MAPRE2: variants seen among roughly 807,000 people sequenced by gnomAD.
MAPRE2 encodes the protein microtubule associated protein RP/EB family member 2.
In MAPRE2, 13 loss-of-function variants were observed where a neutral mutation model predicts 43.2. The observed-to-expected ratio is 0.30, with a 90% CI of 0.20 to 0.48. The LOEUF (loss-of-function observed/expected upper bound fraction) is 0.48, where lower values mean the gene tolerates loss of function less well. Ranked by LOEUF, MAPRE2 falls within the 20% of genes least tolerant of loss-of-function variation. The pLI is 0.99. For synonymous variants in MAPRE2, 135 were observed against 148.8 expected (o/e 0.91, Z 0.68); for missense variants, 161 against 400.2 (o/e 0.40, Z 5.10).
At chr18:34,985,338 A>ATTTT (rs1413375108) in intron 1 of MAPRE2, among the ~76,000 whole-genome samples, 38 of 27,016 alleles carry the variant, frequency 1.4e-3, no homozygotes, top group African/African-American at 2.5e-3. Flanking sequence ...TATAATATAT[A>ATTTT]ATATATTATA....
chr18:35,124,647 A>G (rs1909827861), intron 4 of MAPRE2, among the ~76,000 whole-genome samples: 1 of 151,864 alleles, frequency 6.6e-6, no homozygotes, highest in South Asian at 2.1e-4. Context: ...GGTGTTGATC[A>G]TAGGTAGTCT....
chr18:35,034,589 A>G (rs1297090669), intron 2 of MAPRE2, among the ~76,000 whole-genome samples: 1 of 152,168 alleles, frequency 6.6e-6, no homozygotes, highest in Non-Finnish European at 1.5e-5. Context: ...ACAAAATGGG[A>G]GAAAATTTTC....
intron 2 of MAPRE2, among the ~76,000 whole-genome samples, chr18:35,014,485 C>T (rs184910443): frequency 1.1e-3 from 159 of 151,144 alleles, no homozygotes; most frequent in African/African-American, 3.2e-3. Context: ...TTTGGGGAAA[C>T]GTGAAAATTG....
At chr18:35,057,138 C>T (rs1480871183) in intron 1 of MAPRE2, among the ~76,000 whole-genome samples, 3 of 152,136 alleles carry the variant, frequency 2.0e-5, no homozygotes, top group African/African-American at 7.2e-5. Flanking sequence ...CCTCAGCCTC[C>T]CAAGTAACTG....
chr18:35,013,049 T>C (rs1014610365), intron 2 of MAPRE2, among the ~76,000 whole-genome samples: 1 of 152,166 alleles, frequency 6.6e-6, no homozygotes, highest in Non-Finnish European at 1.5e-5. Flanking sequence ...CACATGCCCA[T>C]AAAGGTTATA....
intron 1 of MAPRE2, among the ~76,000 whole-genome samples, chr18:35,054,990 T>C (rs1003568159): frequency 3.3e-5 from 5 of 152,228 alleles, no homozygotes; most frequent in African/African-American, 1.2e-4. Context: ...TTCTGAAATC[T>C]AGTATACTGT....
At chr18:35,031,901 T>G (rs1344340573) in intron 2 of MAPRE2, among the ~76,000 whole-genome samples, 1 of 152,132 alleles carries the variant, frequency 6.6e-6, no homozygotes, top group African/African-American at 2.4e-5. Flanking sequence ...TGCTATTACT[T>G]AAGGCCAGGA....
chr18:34,994,642 C>T (rs2097025573), intron 1 of MAPRE2, among the ~76,000 whole-genome samples: 2 of 152,016 alleles, frequency 1.3e-5, no homozygotes, highest in African/African-American at 4.8e-5. Flanking sequence ...AGATTTAATT[C>T]TATTGTAATA....
At chr18:34,977,860 A>G (rs2097014075) in intron 1 of MAPRE2, among the ~76,000 whole-genome samples, 1 of 152,190 alleles carries the variant, frequency 6.6e-6, no homozygotes, top group African/African-American at 2.4e-5. Context: ...CAGAAATCCC[A>G]CAAAGAGCCA....
intron 2 of MAPRE2, among the ~76,000 whole-genome samples, chr18:35,073,972 T>C (rs1224277792): frequency 6.6e-6 from 1 of 152,240 alleles, no homozygotes; most frequent in Non-Finnish European, 1.5e-5. Flanking sequence ...ATGAAAATTT[T>C]CTTTGAACAT....
At chr18:35,034,527 A>C (rs1243992822) in intron 2 of MAPRE2, among the ~76,000 whole-genome samples, 2 of 152,002 alleles carry the variant, frequency 1.3e-5, no homozygotes, top group African/African-American at 4.8e-5. Context: ...TAATTAAACT[A>C]AAGAGCTTCT....
At chr18:34,984,764 T>G (rs2097018166) in intron 1 of MAPRE2, among the ~76,000 whole-genome samples, 1 of 129,816 alleles carries the variant, frequency 7.7e-6, no homozygotes, top group African/African-American at 2.9e-5. Flanking sequence ...TTACATACTA[T>G]ATATAATAAT....
chr18:35,056,224 TTAAA>T (rs1468531420), intron 1 of MAPRE2, among the ~76,000 whole-genome samples: 3 of 152,126 alleles, frequency 2.0e-5, no homozygotes, highest in African/African-American at 7.2e-5. Flanking sequence ...TATTTTAACT[TTAAA>T]TAATTAATCC....
intron 1 of MAPRE2, among the ~76,000 whole-genome samples, chr18:35,005,159 A>G (rs2097031244): frequency 6.6e-6 from 1 of 152,204 alleles, no homozygotes; most frequent in Non-Finnish European, 1.5e-5. Context: ...ATCCGCCGAC[A>G]TGATTCCCGT....
intron 1 of MAPRE2, among the ~76,000 whole-genome samples, chr18:35,051,512 A>G (rs1905934320): frequency 6.6e-6 from 1 of 152,214 alleles, no homozygotes; most frequent in African/African-American, 2.4e-5. Flanking sequence ...AGCCTGTATG[A>G]TAAGTGTGTC....
chr18:35,104,568 T>C (rs1390040921), intron 4 of MAPRE2, among the ~76,000 whole-genome samples: 1 of 151,844 alleles, frequency 6.6e-6, no homozygotes, highest in Non-Finnish European at 1.5e-5. Context: ...ACGCTAAAGC[T>C]GAAAGGAAAA....
intron 1 of MAPRE2, among the ~76,000 whole-genome samples, chr18:34,986,421 GA>G (rs1057484199): frequency 6.6e-6 from 1 of 151,964 alleles, no homozygotes; most frequent in African/African-American, 2.4e-5. Context: ...CCATAAAGTG[GA>G]AAAAAAGAGA....
Position 35,015,949 on chromosome 18 carries a change from C to G in MAPRE2, c.-8+10396C>G, listed in dbSNP as rs1018928270. Among the ~76,000 whole-genome samples the G allele has an allele frequency of 1.4e-4, 21 of 151,972 alleles. No homozygotes were observed. In the East Asian group the frequency reaches 4.1e-3, roughly 29 times the overall value. On this transcript the variant is annotated intron_variant, in intron 2 of 7. Coordinates refer to the MAPRE2 transcript ENST00000413393. ...GTACCCAATAATTTTTCAACCCTTGCCCCCTTCCTTCTGCACTCTAGTAGT... is the reference window on the plus strand; with the variant it reads ...GTACCCAATAATTTTTCAACCCTTGGCCCCTTCCTTCTGCACTCTAGTAGT...
chr18:35,002,897 G>C, intron 1 of MAPRE2, among the ~76,000 whole-genome samples: 1 of 152,072 alleles, frequency 6.6e-6, no homozygotes, highest in East Asian at 1.9e-4. Context: ...TTTTAATTTT[G>C]ATGAAGTCCA....
Sources: gnomAD v4.1 joint callset for allele counts (sites outside exome capture counted in the v4.1 genomes callset) on GRCh38, gnomAD v4.1.1 for gene constraint, MANE v1.5 for transcripts, NCBI Gene and HGNC (gene_info 2026-07-23, HGNC 2026-07-21) for gene names.